The following RFX3 variants were observed in gnomAD, a reference collection of about 807,000 sequenced individuals.
RFX3 encodes transcription factor RFX3.
Under a neutral mutation model 98.6 loss-of-function variants are expected in RFX3, and 14 were observed. The ratio of observed to expected loss-of-function variants is 0.14; its 90% CI spans 0.09 to 0.22. The LOEUF is 0.22. Ranked by LOEUF, RFX3 falls within the 10% of genes least tolerant of loss-of-function variation. The probability of loss-of-function intolerance (pLI) is 1.00; values close to 1 mark genes in which losing one functional copy is unlikely to be tolerated. For missense variants in RFX3, 639 were observed against 926.9 expected (o/e 0.69, Z 4.03); for synonymous variants, 383 against 328.4 (o/e 1.17, Z -1.80).
chr9:3,325,599 T>A (rs977852168), intron 4 of RFX3, among the ~76,000 whole-genome samples: 16 of 152,006 alleles, frequency 1.1e-4, no homozygotes, highest in African/African-American at 3.6e-4. Flanking sequence ...AAGAAGAATT[T>A]AAAAAACTCA....
At chr9:3,265,803 A>G (rs1404296771) in intron 12 of RFX3, among the ~76,000 whole-genome samples, 1 of 152,174 alleles carries the variant, frequency 6.6e-6, no homozygotes, top group Non-Finnish European at 1.5e-5. Context: ...AGGATATGAT[A>G]AGTATAGCAG....
chr9:3,293,837 T>TC (rs1211171261), intron 5 of RFX3, among the ~76,000 whole-genome samples: 1 of 152,152 alleles, frequency 6.6e-6, no homozygotes. Context: ...AGTCGTTTCT[T>TC]CCCCAAATGA....
intron 16 of RFX3, among the ~76,000 whole-genome samples, chr9:3,225,747 T>C (rs1274754398): frequency 2.0e-5 from 3 of 152,190 alleles, no homozygotes; most frequent in South Asian, 2.1e-4. Flanking sequence ...ATAAGACCTA[T>C]GTTGATTCTT....
intron 1 of RFX3, among the ~76,000 whole-genome samples, chr9:3,521,111 A>G (rs1408649739): frequency 6.6e-6 from 1 of 152,242 alleles, no homozygotes; most frequent in Non-Finnish European, 1.5e-5. Context: ...TAAAAGTGTT[A>G]TAAGAATGGA....
At chr9:3,390,758 C>T (rs1350316084) in intron 2 of RFX3, among the ~76,000 whole-genome samples, 1 of 152,032 alleles carries the variant, frequency 6.6e-6, no homozygotes, top group African/African-American at 2.4e-5. Flanking sequence ...TGACTTGTTC[C>T]CCCTTGCCTT....
chr9:3,524,874 CACA>C lies in RFX3; in HGVS notation c.-9+870_-9+872del, dbSNP rs1564205558. 8.8e-3 allele frequency among the ~76,000 whole-genome samples: 840 copies of C among 95,208 alleles called. 4 individuals are homozygous for C. The highest frequency in any genetic ancestry group is 0.035 in the East Asian group (31 of 880). The allele number at this position is 95,208 out of a possible 152,430, so 62.5% of individuals were successfully genotyped here. Reference sequence around the variant, plus strand: ...ACACACACACACACACACACACACACACACCAAAGAAGAGAGAGGAGACAGACT... The same window carrying C: ...ACACACACACACACACACACACACACCCAAAGAAGAGAGAGGAGACAGACT... On this transcript the variant is annotated intron_variant, in intron 1 of 16. Transcript: ENST00000617270.
intron 1 of RFX3, among the ~76,000 whole-genome samples, chr9:3,433,045 A>T (rs917117981): frequency 2.0e-5 from 3 of 152,154 alleles, no homozygotes; most frequent in Non-Finnish European, 4.4e-5. Flanking sequence ...CTGAATACTC[A>T]AGTCCTGAAG....
intron 1 of RFX3, among the ~76,000 whole-genome samples, chr9:3,396,938 G>A (rs1039240297): frequency 6.6e-6 from 1 of 152,084 alleles, no homozygotes; most frequent in Non-Finnish European, 1.5e-5. Context: ...CCTAAACTTA[G>A]CCAAAGAATC....
chr9:3,291,119 C>T (rs897165893), intron 6 of RFX3, among the ~76,000 whole-genome samples: 2 of 152,178 alleles, frequency 1.3e-5, no homozygotes, highest in Non-Finnish European at 2.9e-5. Flanking sequence ...AACACCAGCA[C>T]TCTGGGAGGC....
At chr9:3,236,298 G>T (rs1819142619) in intron 15 of RFX3, among the ~76,000 whole-genome samples, 1 of 152,174 alleles carries the variant, frequency 6.6e-6, no homozygotes, top group Non-Finnish European at 1.5e-5. Flanking sequence ...AGTCTATGAG[G>T]TTCACAGAGC....
chr9:3,270,706 C>T (rs189335846), intron 10 of RFX3, 181 bp from the exon 11 acceptor site: 42 of 678,418 alleles, frequency 6.2e-5, no homozygotes, highest in Admixed American at 4.7e-4. Flanking sequence ...AAAACACTCC[C>T]CCAGAGCTGT....
At chr9:3,315,279 G>A (rs1163936757) in intron 4 of RFX3, among the ~76,000 whole-genome samples, 3 of 137,688 alleles carry the variant, frequency 2.2e-5, no homozygotes, top group South Asian at 2.2e-4. Context: ...TGACTACTGG[G>A]TACATACGAA....
At chr9:3,367,419 A>G (rs1004110011) in intron 2 of RFX3, among the ~76,000 whole-genome samples, 2 of 152,140 alleles carry the variant, frequency 1.3e-5, no homozygotes, top group African/African-American at 4.8e-5. Context: ...CTCTAAACAA[A>G]AGCCCCATGT....
intron 5 of RFX3, among the ~76,000 whole-genome samples, chr9:3,295,257 G>A (rs570229688): frequency 6.6e-6 from 1 of 151,508 alleles, no homozygotes; most frequent in South Asian, 2.1e-4. Context: ...AGCTGAGGGA[G>A]ACTACACATA....
intron 7 of RFX3, among the ~76,000 whole-genome samples, chr9:3,285,774 T>G (rs188188293): frequency 6.6e-6 from 1 of 151,932 alleles, no homozygotes; most frequent in African/African-American, 2.4e-5. Context: ...AAATTCAATT[T>G]ATTAATACTA....
chr9:3,369,899 C>T (rs6476418), intron 2 of RFX3, among the ~76,000 whole-genome samples: 3 of 151,972 alleles, frequency 2.0e-5, no homozygotes, highest in Admixed American at 6.5e-5. Flanking sequence ...GCGCCATCTC[C>T]GCTCACTGCA....
At chr9:3,256,729 A>T (rs1822192638) in intron 14 of RFX3, among the ~76,000 whole-genome samples, 1 of 152,166 alleles carries the variant, frequency 6.6e-6, no homozygotes, top group African/African-American at 2.4e-5. Flanking sequence ...CTGGAATCTC[A>T]GACGTTCCCA....
chr9:3,320,307 C>T (rs1324404239), intron 4 of RFX3, among the ~76,000 whole-genome samples: 1 of 151,948 alleles, frequency 6.6e-6, no homozygotes, highest in African/African-American at 2.4e-5. Context: ...AGTCCCAGCA[C>T]TTTGGGAAGC....
chr9:3,395,547 CA>C lies in RFX3; in HGVS notation c.41del (p.Val14GlyfsTer90), dbSNP rs1840769746. ...SETGSDTGST[V>X]TLQTSVASQA... ...GACTAGCCACAGATGTTTGTAAGGT[CA>C]CTGTCGAGCCTGTGTCCGACCCAGT... On this transcript the variant is annotated frameshift_variant, in exon 2 of 17. Transcript: ENST00000617270. LOFTEE classifies it high-confidence loss of function. The C allele has an allele frequency of 6.2e-7, 1 of 1,613,982 alleles. No homozygotes were observed. Among genetic ancestry groups the C allele is most frequent in the Non-Finnish European group, 8.5e-7 (1 of 1,179,976 alleles).
Sources: allele counts gnomAD v4.1 joint callset (sites outside exome capture counted in the v4.1 genomes callset), GRCh38; gene constraint gnomAD v4.1.1; transcripts MANE v1.5; gene names NCBI Gene and HGNC (gene_info 2026-07-23, HGNC 2026-07-21).